Variants in PDSS2 observed in about 807,000 individuals in gnomAD.
PDSS2 encodes decaprenyl diphosphate synthase subunit 2.
In PDSS2, 31 loss-of-function variants were observed where a neutral mutation model predicts 44.5. The observed-to-expected ratio is 0.70, with a 90% confidence interval of 0.52 to 0.94. PDSS2 has a LOEUF of 0.94. PDSS2 is among the 40% of genes least tolerant of loss of function. The pLI is 0.00. For synonymous variants in PDSS2, 157 were observed against 180.3 expected, an observed-to-expected ratio of 0.87 and a Z score of 1.03; for missense variants, 452 against 482.2, an observed-to-expected ratio of 0.94 and a Z score of 0.59.
chr6:107,238,320 C>G (rs139954519), intron 4 of PDSS2, among the ~76,000 whole-genome samples: 1 of 152,164 alleles, frequency 6.6e-6, no homozygotes, highest in Non-Finnish European at 1.5e-5. Context: ...TTCGGGATCT[C>G]CAAATCACCC....
intron 1 of PDSS2, among the ~76,000 whole-genome samples, chr6:107,415,583 A>G (rs145484913): frequency 1.4e-4 from 22 of 152,284 alleles, no homozygotes; most frequent in African/African-American, 5.1e-4. Context: ...GGTGTCTGAA[A>G]TAGAGAAGGC....
At chr6:107,203,844 C>G (rs78808744) in intron 6 of PDSS2, among the ~76,000 whole-genome samples, 1 of 152,144 alleles carries the variant, frequency 6.6e-6, no homozygotes, top group East Asian at 1.9e-4. Context: ...GGGCAACCAC[C>G]AGTCTTTTTT....
chr6:107,212,189 C>T lies in PDSS2; in HGVS notation c.796G>A (p.Ala266Thr). Residue 266 changes from alanine (A) to threonine (T), a missense_variant, in exon 5 of 8, where the codon GCA becomes ACA. By Grantham distance (58) the Ala-to-Thr change is moderately conservative. Transcript: ENST00000369037. ...GCATCATGCTTTGCTAATTCCATTG[C>T]AGCTTGGCAGCTCTTTGCTAGTAAG... Reference protein sequence around the residue: ...GALLAKSCQAAMELAKHDAEV... With the variant: ...GALLAKSCQATMELAKHDAEV... 1 of 1,613,970 alleles carries T rather than the reference C, an allele frequency of 6.2e-7. No individual in the cohort carries two copies.
intron 1 of PDSS2, among the ~76,000 whole-genome samples, chr6:107,426,775 T>C (rs776406293): frequency 7.2e-5 from 11 of 152,192 alleles, no homozygotes; most frequent in Non-Finnish European, 1.3e-4. Context: ...CTGCTTGATT[T>C]TGGACTTGCA....
chr6:107,243,308 G>A (rs1292015897), intron 4 of PDSS2, among the ~76,000 whole-genome samples: 1 of 152,138 alleles, frequency 6.6e-6, no homozygotes, highest in Non-Finnish European at 1.5e-5. Flanking sequence ...CTTTTCATAG[G>A]TGATTGTGTA....
chr6:107,440,145 T>A (rs1490337407), intron 1 of PDSS2, among the ~76,000 whole-genome samples: 2 of 152,190 alleles, frequency 1.3e-5, no homozygotes, highest in African/African-American at 2.4e-5. Context: ...GCCATCTACC[T>A]CATAAGGGAT....
intron 2 of PDSS2, among the ~76,000 whole-genome samples, chr6:107,277,253 G>A (rs888433951): frequency 8.5e-5 from 13 of 152,294 alleles, no homozygotes; most frequent in Non-Finnish European, 1.3e-4. Context: ...TCCATAGCTG[G>A]AGAAAAAGGA....
chr6:107,342,152 T>C (rs2096726476), intron 1 of PDSS2, among the ~76,000 whole-genome samples: 1 of 150,458 alleles, frequency 6.6e-6, no homozygotes, highest in African/African-American at 2.5e-5. Flanking sequence ...TTGGATGCCC[T>C]GCACCCAGCA....
In PDSS2 at chr6:107,269,659, G is replaced by T. The variant is rs140907374; in HGVS notation, c.630+4370C>A. The stretch of plus-strand genomic sequence containing the variant: ...GAAATGCTGCCAATTATTATTAGTA[G>T]TAGTAGTAGTAGTATTTTTTGACAC... On this transcript the variant is annotated intron_variant, in intron 3 of 7. Transcript: ENST00000369037. Among the ~76,000 whole-genome samples, 156 of 152,116 alleles carry T rather than the reference G, an allele frequency of 1.0e-3. 2 individuals carry two copies. Among genetic ancestry groups the T allele is most frequent in the African/African-American group, 3.5e-3 (145 of 41,492 alleles).
chr6:107,451,898 C>T (rs1181077584), intron 1 of PDSS2, among the ~76,000 whole-genome samples: 1 of 152,230 alleles, frequency 6.6e-6, no homozygotes, highest in East Asian at 1.9e-4. Context: ...GGCCCGATCA[C>T]CTCAACATCC....
intron 1 of PDSS2, among the ~76,000 whole-genome samples, chr6:107,455,316 A>G (rs1368972749): frequency 6.6e-6 from 1 of 151,000 alleles, no homozygotes; most frequent in Non-Finnish European, 1.5e-5. Context: ...GAATATACAC[A>G]TTAATAAGGC....
chr6:107,245,649 A>G (rs767397549), intron 3 of PDSS2, 30 bp from the exon 4 acceptor site: 2 of 1,379,438 alleles, frequency 1.4e-6, no homozygotes, highest in South Asian at 1.3e-5. Flanking sequence ...ATAAAAATAA[A>G]AAAATTTAAA....
intron 3 of PDSS2, among the ~76,000 whole-genome samples, chr6:107,261,693 T>A (rs1451319452): frequency 2.7e-5 from 4 of 150,116 alleles, no homozygotes; most frequent in Non-Finnish European, 5.9e-5. Flanking sequence ...TTCTCCTGCC[T>A]CCGCCTCCCG....
At chr6:107,347,432 GCTAA>G (rs1467485031) in intron 1 of PDSS2, among the ~76,000 whole-genome samples, 1 of 151,850 alleles carries the variant, frequency 6.6e-6, no homozygotes, top group Non-Finnish European at 1.5e-5. Context: ...ATCACGCCTG[GCTAA>G]CTTTTTGTCT....
At chr6:107,336,006 G>A (rs1353947754) in intron 1 of PDSS2, among the ~76,000 whole-genome samples, 3 of 133,854 alleles carry the variant, frequency 2.2e-5, no homozygotes, top group African/African-American at 7.9e-5. Flanking sequence ...GCTCATGCCC[G>A]GGGTGGGGGG....
At chr6:107,173,572 C>CAAAAAAAAAAAAAAAAAAAAAAAA (rs71012783) in intron 7 of PDSS2, among the ~76,000 whole-genome samples, 1 of 41,512 alleles carries the variant, frequency 2.4e-5, no homozygotes, top group African/African-American at 1.3e-4. Context: ...GACTCTGTCT[C>CAAAAAAAAAAAAAAAAAAAAAAAA]AAAAAAAAAA....
chr6:107,306,085 AG>A (rs1776850939), intron 2 of PDSS2, among the ~76,000 whole-genome samples: 1 of 152,218 alleles, frequency 6.6e-6, no homozygotes, highest in African/African-American at 2.4e-5. Flanking sequence ...TATGGGTGAC[AG>A]AAGTACAATC....
At chr6:107,395,056 T>C (rs1779897879) in intron 1 of PDSS2, among the ~76,000 whole-genome samples, 2 of 152,166 alleles carry the variant, frequency 1.3e-5, no homozygotes, top group African/African-American at 2.4e-5. Context: ...ATATTTTCAA[T>C]GGATATAGTA....
intron 1 of PDSS2, among the ~76,000 whole-genome samples, chr6:107,384,712 TG>T (rs1485765590): frequency 6.6e-6 from 1 of 151,878 alleles, no homozygotes; most frequent in Non-Finnish European, 1.5e-5. Flanking sequence ...GTGAATTTTA[TG>T]GTATGTAAAT....
Sources: gnomAD v4.1 joint callset for allele counts (sites outside exome capture counted in the v4.1 genomes callset) on GRCh38, gnomAD v4.1.1 for gene constraint, MANE v1.5 for transcripts, NCBI Gene and HGNC (gene_info 2026-07-23, HGNC 2026-07-21) for gene names.